EXOC6B: variants seen among roughly 807,000 people sequenced by gnomAD.
The protein encoded by EXOC6B is SEC15 homolog B.
Under a neutral mutation model 113.5 loss-of-function variants are expected in EXOC6B, and 54 were observed. The ratio of observed to expected loss-of-function variants is 0.48; its 90% CI spans 0.38 to 0.60. The LOEUF is 0.60. Among genes scored for constraint, EXOC6B ranks in the 20% least tolerant of loss-of-function variants. EXOC6B has a pLI of 0.00. For synonymous variants in EXOC6B, 357 were observed against 339.0 expected (o/e 1.05, Z -0.58); for missense variants, 797 against 977.5 (o/e 0.82, Z 2.46).
At chr2:72,222,431 G>A (rs780055630) in intron 20 of EXOC6B, among the ~76,000 whole-genome samples, 4 of 152,038 alleles carry the variant, frequency 2.6e-5, no homozygotes, top group Non-Finnish European at 5.9e-5. Flanking sequence ...CAAAGGCAAG[G>A]GACAGTTTAT....
At chr2:72,680,220 C>T (rs1323024067) in intron 6 of EXOC6B, among the ~76,000 whole-genome samples, 2 of 152,150 alleles carry the variant, frequency 1.3e-5, no homozygotes, top group Admixed American at 1.3e-4. Flanking sequence ...GAAAAGGGTT[C>T]TAAAAAATCA....
At chr2:72,815,936 A>C (rs1686215955) in intron 1 of EXOC6B, among the ~76,000 whole-genome samples, 1 of 152,196 alleles carries the variant, frequency 6.6e-6, no homozygotes, top group South Asian at 2.1e-4. Context: ...AGGCGGTCGG[A>C]TCATTTGAGG....
intron 18 of EXOC6B, among the ~76,000 whole-genome samples, chr2:72,458,227 GTTCT>G (rs1256300560): frequency 6.6e-6 from 1 of 152,076 alleles, no homozygotes; most frequent in Non-Finnish European, 1.5e-5. Context: ...AATGATTTGG[GTTCT>G]TTTTCAGAAA....
intron 6 of EXOC6B, among the ~76,000 whole-genome samples, chr2:72,691,435 G>A (rs546812979): frequency 9.8e-4 from 149 of 151,576 alleles, no homozygotes; most frequent in African/African-American, 3.6e-3. Context: ...AACTATTAAC[G>A]GAGGGACCAA....
intron 20 of EXOC6B, among the ~76,000 whole-genome samples, chr2:72,201,667 C>A (rs1303802242): frequency 2.0e-5 from 3 of 152,204 alleles, no homozygotes; most frequent in Non-Finnish European, 4.4e-5. Flanking sequence ...CAAACTATTT[C>A]TTCTCTGAAT....
chr2:72,232,997 G>C (rs947954644), intron 20 of EXOC6B, among the ~76,000 whole-genome samples: 7 of 151,808 alleles, frequency 4.6e-5, no homozygotes, highest in African/African-American at 1.7e-4. Flanking sequence ...ACTTGAATCA[G>C]GGAGGTGGAG....
chr2:72,531,646 C>T (rs4852875), intron 8 of EXOC6B, among the ~76,000 whole-genome samples: 126,171 of 152,118 alleles, frequency 0.83, 53,385 homozygotes, highest in East Asian at 0.99. Context: ...TAGGTAATTT[C>T]CCAAGACAGA....
chr2:72,492,414 A>G lies in EXOC6B; in HGVS notation c.1569T>C (p.Asp523=). The change falls in exon 16 of 22, where the codon GAT becomes GAC. Residue 523 remains aspartate, a synonymous_variant. Transcript: ENST00000272427. ...EDLHLSSTEV[D]DMIRKSTNLL... ...GGTTTGTTGATTTCCGAATCATGTC[A>G]TCAACTTCAGTTGAGCTGAAAAAGA... The G allele has an allele frequency of 6.2e-7, 1 of 1,612,046 alleles. No individual in the cohort carries two copies. Among genetic ancestry groups the G allele is most frequent in the Non-Finnish European group, 8.5e-7 (1 of 1,178,388 alleles).
intron 18 of EXOC6B, among the ~76,000 whole-genome samples, chr2:72,401,393 C>T (rs1370021832): frequency 3.5e-5 from 5 of 144,310 alleles, no homozygotes; most frequent in East Asian, 4.1e-4. Flanking sequence ...ACCCAGGAGG[C>T]GGAGGTTGCA....
chr2:72,786,411 A>G (rs1684380115), intron 1 of EXOC6B, among the ~76,000 whole-genome samples: 1 of 152,232 alleles, frequency 6.6e-6, no homozygotes, highest in South Asian at 2.1e-4. Context: ...GCAAAATACT[A>G]TCCCTCCTTT....
chr2:72,402,302 T>A (rs897202694), intron 18 of EXOC6B, among the ~76,000 whole-genome samples: 3 of 152,200 alleles, frequency 2.0e-5, no homozygotes, highest in Non-Finnish European at 4.4e-5. Context: ...TTACATTTTA[T>A]ACATTTGTCC....
intron 17 of EXOC6B, among the ~76,000 whole-genome samples, chr2:72,478,204 A>T: frequency 6.6e-6 from 1 of 152,198 alleles, no homozygotes; most frequent in Non-Finnish European, 1.5e-5. Flanking sequence ...AATATTTATT[A>T]TGGAGTAAAT....
intron 1 of EXOC6B, among the ~76,000 whole-genome samples, chr2:72,801,741 T>A (rs867725079): frequency 2.0e-5 from 3 of 152,190 alleles, no homozygotes; most frequent in African/African-American, 7.2e-5. Context: ...CTCCATTCCA[T>A]ACCTATCAGA....
chr2:72,605,300 A>G (rs985526591), intron 6 of EXOC6B, among the ~76,000 whole-genome samples: 8 of 145,310 alleles, frequency 5.5e-5, no homozygotes, highest in East Asian at 2.0e-4. Flanking sequence ...AAAAAAAAGG[A>G]AAAAAAAAAG....
intron 6 of EXOC6B, among the ~76,000 whole-genome samples, chr2:72,640,859 T>C (rs1673172682): frequency 6.6e-6 from 1 of 151,650 alleles, no homozygotes; most frequent in South Asian, 2.1e-4. Context: ...CCAACAAAGA[T>C]CAAAAAAGAC....
intron 20 of EXOC6B, among the ~76,000 whole-genome samples, chr2:72,240,294 G>A (rs535916962): frequency 1.3e-5 from 2 of 152,180 alleles, no homozygotes; most frequent in South Asian, 2.1e-4. Context: ...AGCAGTTTTC[G>A]AAAGGTTTAA....
At position 72,408,867 on chromosome 2, in the gene EXOC6B, G is replaced by C. The variant is rs181844634; in HGVS notation, c.1981-28997C>G. Among the ~76,000 whole-genome samples the C allele has an allele frequency of 6.0e-4, 92 of 152,228 alleles. 1 individual carries two copies. In the East Asian group the frequency reaches 0.012, roughly 20 times the overall value. ...CAGCAAAAGACAAAATTGACAAATGGGATCTCATTAAACTAAAGAGCTTCT... is the reference window on the plus strand; with the variant it reads ...CAGCAAAAGACAAAATTGACAAATGCGATCTCATTAAACTAAAGAGCTTCT... On this transcript the variant is annotated intron_variant, in intron 18 of 21. Transcript: ENST00000272427.
intron 20 of EXOC6B, among the ~76,000 whole-genome samples, chr2:72,205,065 A>G (rs1408324136): frequency 6.6e-6 from 1 of 152,160 alleles, no homozygotes; most frequent in African/African-American, 2.4e-5. Context: ...CTGGCTTCTC[A>G]TGAAGGGTAT....
chr2:72,733,424 A>G (rs1270306997), intron 2 of EXOC6B, among the ~76,000 whole-genome samples: 1 of 152,204 alleles, frequency 6.6e-6, no homozygotes, highest in African/African-American at 2.4e-5. Context: ...GAAAAAGGGG[A>G]GAGAAAAATA....
Sources: allele counts gnomAD v4.1 joint callset (sites outside exome capture counted in the v4.1 genomes callset), GRCh38; gene constraint gnomAD v4.1.1; transcripts MANE v1.5; gene names NCBI Gene and HGNC (gene_info 2026-07-23, HGNC 2026-07-21).